CDX1: variants seen among roughly 807,000 people sequenced by gnomAD.
CDX1 encodes the protein homeobox protein CDX-1.
A neutral mutation model predicts 16.9 loss-of-function variants in CDX1; 9 were observed. The observed-to-expected ratio is 0.53, with a 90% CI of 0.32 to 0.93. The LOEUF is 0.93. CDX1 is among the 40% of genes least tolerant of loss of function. CDX1 has a pLI of 0.04. For missense variants in CDX1, 393 were observed against 386.1 expected (o/e 1.02, Z -0.15); for synonymous variants, 179 against 179.0 (o/e 1.00, Z 0.00).
intron 1 of CDX1, among the ~76,000 whole-genome samples, chr5:150,177,399 A>G (rs1761581719): frequency 6.6e-6 from 1 of 152,228 alleles, no homozygotes; most frequent in Non-Finnish European, 1.5e-5. Context: ...GTTGGAAATG[A>G]GTAAGATCTG....
intron 1 of CDX1, among the ~76,000 whole-genome samples, chr5:150,171,200 C>T (rs1761500932): frequency 6.6e-6 from 1 of 152,248 alleles, no homozygotes; most frequent in African/African-American, 2.4e-5. Context: ...CCTGCTGTCT[C>T]ACCTTCAGCC....
chr5:150,178,840 T>G (rs188391135), intron 1 of CDX1, among the ~76,000 whole-genome samples: 333 of 152,308 alleles, frequency 2.2e-3, no homozygotes, highest in African/African-American at 7.8e-3. Flanking sequence ...ATTTACACTA[T>G]TCTGTCTTGC....
chr5:150,175,539 C>T (rs1225268527), intron 1 of CDX1, among the ~76,000 whole-genome samples: 1 of 152,252 alleles, frequency 6.6e-6, no homozygotes, highest in African/African-American at 2.4e-5. Context: ...GTCCCCCTTT[C>T]CCCGCTCCCA....
At chr5:150,171,540 G>C (rs915460129) in intron 1 of CDX1, among the ~76,000 whole-genome samples, 7 of 152,192 alleles carry the variant, frequency 4.6e-5, no homozygotes, top group Admixed American at 1.3e-4. Flanking sequence ...GTTTCACCGT[G>C]TTAGCCAGGA....
At position 150,183,934 on chromosome 5, in the gene CDX1, G is replaced by T; in HGVS notation, c.*254G>T. 2.9e-6 allele frequency: 1 copy of T among 345,864 alleles called. No homozygotes were observed. Among genetic ancestry groups the T allele is most frequent in the Non-Finnish European group, 5.2e-6 (1 of 192,348 alleles). The allele number at this position is 345,864 out of a possible 1,614,324, so 21.4% of individuals were successfully genotyped here. On this transcript the variant is annotated 3_prime_UTR_variant, in exon 3 of 3. Transcript: ENST00000231656. ...GGTGGATGATCTCAATCTCCCGTGG[G>T]CATCTCAAGCCCCAAATGGTTGGGG...
Position 150,182,808 on chromosome 5 carries a change from C to T in CDX1, c.486C>T (p.Thr162=), listed in dbSNP as rs753003920. ...AGGACAAGTACCGCGTGGTCTACAC[C>T]GACCACCAACGCCTGGAGCTGGAGA... is the stretch of plus-strand genomic sequence containing the variant. ...RTKDKYRVVY[T]DHQRLELEKE... The change falls in exon 2 of 3, where the codon ACC becomes ACT. Residue 162 remains threonine (T), a synonymous_variant. Coordinates refer to ENST00000231656, the MANE Select transcript of CDX1 (RefSeq NM_001804.3). 14 of 1,612,506 alleles carry T rather than the reference C, an allele frequency of 8.7e-6. No homozygotes were observed. Among genetic ancestry groups the T allele is most frequent in the Middle Eastern group, 1.6e-4 (1 of 6,072 alleles).
intron 1 of CDX1, among the ~76,000 whole-genome samples, chr5:150,171,140 T>C (rs1288612027): frequency 1.3e-5 from 2 of 151,950 alleles, no homozygotes; most frequent in Non-Finnish European, 2.9e-5. Flanking sequence ...AATCCTCCCC[T>C]CCCCCCACAT....
intron 2 of CDX1, among the ~76,000 whole-genome samples, chr5:150,183,123 T>C (rs1402092380): frequency 1.3e-5 from 2 of 152,210 alleles, no homozygotes; most frequent in African/African-American, 4.8e-5. Flanking sequence ...GGTAAGGGGA[T>C]CTGATTAGCC....
rs1761441472 is a variant in CDX1 at position 150,167,312 on chromosome 5, G to C, written c.436G>C (p.Gly146Arg). 4 of 1,263,392 alleles carry C rather than the reference G, an allele frequency of 3.2e-6. No homozygotes were observed. Among genetic ancestry groups the C allele is most frequent in the Non-Finnish European group, 4.0e-6 (4 of 1,010,096 alleles). 78.3% of individuals were successfully genotyped at this position (1,263,392 alleles called of 1,614,324 possible). A position where few individuals can be genotyped will look rare whatever the true frequency, so the allele number is the denominator to read the frequency against. Reference sequence around the variant, plus strand: ...GCGCAGCGTGGCGGCCGGAGGCGGCGGTGGCAGCGGTAAGGACCCTTCCCT... The same window carrying C: ...GCGCAGCGTGGCGGCCGGAGGCGGCCGTGGCAGCGGTAAGGACCCTTCCCT... ...MRRSVAAGGG[G>R]GSGKTRTKDK... Residue 146 changes from glycine (G) to arginine (R), a missense_variant, in exon 1 of 3, where the codon GGT becomes CGT. Gly to Arg is a moderately radical substitution (Grantham distance 125, BLOSUM62 -2). Transcript: ENST00000231656.
intron 1 of CDX1, among the ~76,000 whole-genome samples, chr5:150,169,493 C>G (rs1761476498): frequency 6.6e-6 from 1 of 152,122 alleles, no homozygotes; most frequent in East Asian, 1.9e-4. Context: ...CTTCTTGAAG[C>G]CAGAAGGTGC....
At chr5:150,178,500 C>T (rs939020685) in intron 1 of CDX1, among the ~76,000 whole-genome samples, 1 of 152,110 alleles carries the variant, frequency 6.6e-6, no homozygotes, top group African/African-American at 2.4e-5. Flanking sequence ...AATTCATCCC[C>T]AGCCCTCTCC....
chr5:150,172,199 A>G (rs950945353), intron 1 of CDX1, among the ~76,000 whole-genome samples: 1 of 152,128 alleles, frequency 6.6e-6, no homozygotes, highest in Non-Finnish European at 1.5e-5. Context: ...CTGCCTGTCT[A>G]CTTTCATTGT....
chr5:150,179,266 C>T (rs543340997), intron 1 of CDX1, among the ~76,000 whole-genome samples: 59 of 152,308 alleles, frequency 3.9e-4, no homozygotes, highest in African/African-American at 1.4e-3. Context: ...TCAAGCAGCT[C>T]CACCAGAGAG....
At chr5:150,175,685 A>AT (rs1445236427) in intron 1 of CDX1, among the ~76,000 whole-genome samples, 2 of 152,144 alleles carry the variant, frequency 1.3e-5, no homozygotes, top group South Asian at 4.1e-4. Context: ...GTATCCATCC[A>AT]TTGTAGAGCT....
At chr5:150,181,245 C>A (rs1485636427) in intron 1 of CDX1, among the ~76,000 whole-genome samples, 5 of 152,178 alleles carry the variant, frequency 3.3e-5, no homozygotes, top group Non-Finnish European at 7.3e-5. Context: ...GAAGCCTCTC[C>A]CCAGATGTCT....
chr5:150,170,398 C>G (rs1761489083), intron 1 of CDX1, among the ~76,000 whole-genome samples: 1 of 152,268 alleles, frequency 6.6e-6, no homozygotes, highest in South Asian at 2.1e-4. Flanking sequence ...ACTATGTCTG[C>G]TTAACCCACT....
chr5:150,176,787 C>T (rs942320301), intron 1 of CDX1, among the ~76,000 whole-genome samples: 1 of 152,198 alleles, frequency 6.6e-6, no homozygotes, highest in African/African-American at 2.4e-5. Flanking sequence ...ACAGGGGCCT[C>T]GTTAAAGATG....
intron 1 of CDX1, among the ~76,000 whole-genome samples, chr5:150,180,187 G>A (rs1031788383): frequency 6.6e-6 from 1 of 152,260 alleles, no homozygotes; most frequent in African/African-American, 2.4e-5. Flanking sequence ...TCCAGTGCTG[G>A]TGGCATTAGG....
intron 1 of CDX1, among the ~76,000 whole-genome samples, chr5:150,172,585 A>AC (rs963518501): frequency 7.6e-5 from 11 of 145,674 alleles, no homozygotes; most frequent in South Asian, 2.2e-4. Context: ...GGAGCCTGAG[A>AC]CCCCCCCTTC....
Sources: gnomAD v4.1 joint callset for allele counts (sites outside exome capture counted in the v4.1 genomes callset) on GRCh38, gnomAD v4.1.1 for gene constraint, MANE v1.5 for transcripts, NCBI Gene and HGNC (gene_info 2026-07-23, HGNC 2026-07-21) for gene names.